The following L3MBTL3 variants were observed in gnomAD, a reference collection of about 807,000 sequenced individuals.
L3MBTL3 encodes lethal(3)malignant brain tumor-like protein 3.
L3MBTL3 carries 27 observed loss-of-function variants against 102.3 expected under a neutral mutation model. The observed-to-expected ratio is 0.26, with a 90% CI of 0.19 to 0.36. The LOEUF (loss-of-function observed/expected upper bound fraction) is 0.36. Among genes scored for constraint, L3MBTL3 ranks in the 10% least tolerant of loss-of-function variants. The probability of loss-of-function intolerance (pLI) is 1.00; values close to 1 mark genes in which losing one functional copy is unlikely to be tolerated. For synonymous variants in L3MBTL3, 340 were observed against 320.9 expected, an observed-to-expected ratio of 1.06 and a Z score of -0.64; for missense variants, 798 against 955.3, an observed-to-expected ratio of 0.84 and a Z score of 2.17.
At chr6:130,128,743 G>C (rs923088294) in intron 20 of L3MBTL3, among the ~76,000 whole-genome samples, 2 of 152,176 alleles carry the variant, frequency 1.3e-5, no homozygotes, top group Non-Finnish European at 1.5e-5. Context: ...GTCAGTGGAT[G>C]ATAACTCAGA....
chr6:130,059,886 CA>C (rs1781776704), intron 9 of L3MBTL3, 149 bp from the exon 10 acceptor site: 1 of 547,890 alleles, frequency 1.8e-6, no homozygotes, highest in Admixed American at 3.6e-5. Context: ...TCCATTTTTT[CA>C]GTGGGTTATT....
chr6:130,020,782 C>T (rs1778953437), intron 1 of L3MBTL3: 1 of 151,526 alleles, frequency 6.6e-6, no homozygotes, highest in Admixed American at 6.6e-5. Context: ...AGTCCCTTTC[C>T]TTAGGCAACT....
At chr6:130,061,430 C>T (rs1338468379) in intron 10 of L3MBTL3, among the ~76,000 whole-genome samples, 1 of 152,178 alleles carries the variant, frequency 6.6e-6, no homozygotes, top group African/African-American at 2.4e-5. Flanking sequence ...AGGCAGAACC[C>T]TTTCCCTCCC....
Position 130,120,898 on chromosome 6 carries a change from G to A in L3MBTL3, c.1906G>A (p.Val636Ile). The A allele has an allele frequency of 1.2e-6, 2 of 1,611,378 alleles. No individual in the cohort carries two copies. Among genetic ancestry groups the A allele is most frequent in the Middle Eastern group, 1.7e-4 (1 of 6,038 alleles). ...PEIRDQHADD[V>I]KEDFEERTES... ...TCTTAGAGACCAGCATGCTGATGAT[G>A]TCAAAGAAGACTTTGAAGAGAGAAC... Residue 636 changes from valine (V) to isoleucine (I), a missense_variant, in exon 20 of 23, where the codon GTC becomes ATC. Transcript: ENST00000361794.
Position 130,083,744 on chromosome 6 carries a change from C to A in L3MBTL3, c.1407+39C>A, listed in dbSNP as rs377061618. The A allele has an allele frequency of 3.8e-4, 394 of 1,028,310 alleles. 5 individuals carry two copies. Among genetic ancestry groups the A allele is most frequent in the Non-Finnish European group, 7.2e-5 (49 of 678,306 alleles). The allele number at this position is 1,028,310 out of a possible 1,614,324, so 63.7% of individuals were successfully genotyped here. On this transcript the variant is annotated intron_variant, in intron 15 of 22. Coordinates refer to ENST00000361794, the MANE Select transcript of L3MBTL3 (RefSeq NM_032438.4). ...TTTTATTAATTTGCGTGGATGAGAT[C>A]ATTTATTTATTGAAATTGAAGAACA...
intron 2 of L3MBTL3, among the ~76,000 whole-genome samples, chr6:130,028,642 G>T (rs1779512466): frequency 6.6e-6 from 1 of 152,162 alleles, no homozygotes; most frequent in Non-Finnish European, 1.5e-5. Flanking sequence ...TACTTATCAG[G>T]CAGGATGAGT....
intron 6 of L3MBTL3, 124 bp from the exon 7 acceptor site, chr6:130,052,735 G>A: frequency 1.7e-6 from 2 of 1,168,896 alleles, no homozygotes; most frequent in African/African-American, 1.5e-5. Flanking sequence ...GATTTCTCCT[G>A]GTAGTTAAAG....
chr6:130,108,003 A>G (rs1018858932), intron 19 of L3MBTL3, among the ~76,000 whole-genome samples: 26 of 152,302 alleles, frequency 1.7e-4, no homozygotes, highest in Non-Finnish European at 2.6e-4. Context: ...TTCCTCCAGA[A>G]AAGAGCAGCA....
intron 2 of L3MBTL3, among the ~76,000 whole-genome samples, chr6:130,035,256 G>T (rs1362144852): frequency 6.6e-6 from 1 of 152,160 alleles, no homozygotes; most frequent in Non-Finnish European, 1.5e-5. Context: ...AGGGGTTTTT[G>T]AATATAAGAT....
At chr6:130,087,538 G>A (rs1208747663) in intron 16 of L3MBTL3, among the ~76,000 whole-genome samples, 1 of 152,172 alleles carries the variant, frequency 6.6e-6, no homozygotes, top group Non-Finnish European at 1.5e-5. Context: ...TGGTGGGAAT[G>A]TAAAATGTCT....
chr6:130,056,159 C>G (rs1270267423), intron 8 of L3MBTL3, among the ~76,000 whole-genome samples: 1 of 152,134 alleles, frequency 6.6e-6, no homozygotes, highest in Non-Finnish European at 1.5e-5. Context: ...AACTCCTGAC[C>G]TCAAGCCATC....
At chr6:130,114,844 T>TTATTTGCCA (rs1228242321) in intron 19 of L3MBTL3, among the ~76,000 whole-genome samples, 1 of 152,176 alleles carries the variant, frequency 6.6e-6, no homozygotes, top group Non-Finnish European at 1.5e-5. Context: ...CCCACTGGTT[T>TTATTTGCCA]TATTTGCCAT....
chr6:130,039,137 A>G (rs1399647772), intron 2 of L3MBTL3, among the ~76,000 whole-genome samples: 1 of 152,146 alleles, frequency 6.6e-6, no homozygotes, highest in East Asian at 1.9e-4. Context: ...ATAAACTATC[A>G]TGGACCCTTC....
At chr6:130,056,233 T>G (rs1481401976) in intron 8 of L3MBTL3, among the ~76,000 whole-genome samples, 2 of 152,146 alleles carry the variant, frequency 1.3e-5, no homozygotes, top group African/African-American at 2.4e-5. Flanking sequence ...TGGCCCTTTT[T>G]TTTGTTTGTT....
intron 15 of L3MBTL3, among the ~76,000 whole-genome samples, chr6:130,085,190 A>T (rs1283027402): frequency 6.6e-6 from 1 of 152,102 alleles, no homozygotes. Context: ...AAAATTAACT[A>T]ATTTGCCTAA....
chr6:130,075,402 CT>C (rs1782886466), intron 13 of L3MBTL3, among the ~76,000 whole-genome samples: 1 of 151,990 alleles, frequency 6.6e-6, no homozygotes, highest in South Asian at 2.1e-4. Flanking sequence ...AAAGCACTTC[CT>C]TGTGTTTTGG....
Position 130,133,442 on chromosome 6 carries a change from C to T in L3MBTL3, c.1967-10C>T, listed in dbSNP as rs760649017. ...CAGAGAGTGATTTCCCATTTGTTTT[C>T]ATTGACCAGGTGCCCGGGAAGAACC... On this transcript the variant is annotated splice_polypyrimidine_tract_variant and intron_variant, in intron 20 of 22. Coordinates refer to ENST00000361794, the MANE Select transcript of L3MBTL3 (RefSeq NM_032438.4). This position sits in a 1 kb window ranked among gnomAD's most constrained non-coding sequence, Gnocchi z 4.9. 1.9e-6 allele frequency: 3 copies of T among 1,612,234 alleles called. No homozygotes were observed. The highest frequency in any genetic ancestry group is 2.5e-6 in the Non-Finnish European group (3 of 1,178,966).
chr6:130,076,242 A>G (rs1028170652), intron 13 of L3MBTL3, among the ~76,000 whole-genome samples: 1 of 152,206 alleles, frequency 6.6e-6, no homozygotes, highest in African/African-American at 2.4e-5. Flanking sequence ...GATGTTTTCC[A>G]TAAGTAAGCA....
At chr6:130,029,927 G>A (rs528837776) in intron 2 of L3MBTL3, among the ~76,000 whole-genome samples, 45 of 152,234 alleles carry the variant, frequency 3.0e-4, no homozygotes, top group East Asian at 3.9e-4. Context: ...GGGTTCAAGC[G>A]ATTCTCGTGC....
Sources: gnomAD v4.1 joint callset for allele counts (sites outside exome capture counted in the v4.1 genomes callset) on GRCh38, gnomAD v4.1.1 for gene constraint, Gnocchi (gnomAD v3.1) non-coding constraint, MANE v1.5 for transcripts, NCBI Gene and HGNC (gene_info 2026-07-23, HGNC 2026-07-21) for gene names.